PDE10A: variants seen among roughly 807,000 people sequenced by gnomAD.
PDE10A encodes phosphodiesterase 10A, also known as cAMP and cAMP-inhibited cGMP 3',5'-cyclic phosphodiesterase 10A.
Under a neutral mutation model 97.7 loss-of-function variants are expected in PDE10A, and 39 were observed. The observed-to-expected ratio is 0.40, with a 90% confidence interval of 0.31 to 0.52. The LOEUF is 0.52. Ranked by LOEUF, PDE10A falls within the 20% of genes least tolerant of loss-of-function variation. PDE10A has a pLI of 0.56. For missense variants in PDE10A, 731 were observed against 1,047.8 expected, an observed-to-expected ratio of 0.70 and a Z score of 4.17; for synonymous variants, 371 against 376.8, an observed-to-expected ratio of 0.98 and a Z score of 0.18.
chr6:165,411,786 A>G (rs1366000322), intron 13 of PDE10A, among the ~76,000 whole-genome samples: 1 of 152,222 alleles, frequency 6.6e-6, no homozygotes, highest in African/African-American at 2.4e-5. Context: ...TTAACAGAGA[A>G]AGAGAGAGAC....
intron 1 of PDE10A, among the ~76,000 whole-genome samples, chr6:165,960,427 G>A (rs993593082): frequency 6.6e-6 from 1 of 152,178 alleles, no homozygotes; most frequent in Non-Finnish European, 1.5e-5. Flanking sequence ...GAGACAGGAT[G>A]GAGCACAGCA....
At position 165,964,635 on chromosome 6, in the gene PDE10A, T is replaced by C. The variant is rs558755507; in HGVS notation, c.-615+22894A>G. On this transcript the variant is annotated intron_variant, in intron 1 of 19. Coordinates refer to the PDE10A transcript ENST00000366882. ...TGTGCCAGCGAGCGTCCTAGGCACA[T>C]GGGAATCAGACTTTATAAGTCCTGG... 2.9e-4 allele frequency among the ~76,000 whole-genome samples: 44 copies of C among 152,332 alleles called. 1 individual carries two copies. Among genetic ancestry groups the C allele is most frequent in the Admixed American group, 2.1e-3 (32 of 15,300 alleles).
intron 1 of PDE10A, among the ~76,000 whole-genome samples, chr6:165,952,976 T>C (rs1000360376): frequency 2.0e-5 from 3 of 152,360 alleles, no homozygotes; most frequent in African/African-American, 7.2e-5. Context: ...AATTATGTTT[T>C]AAGTCCAGCA....
At chr6:165,750,200 G>T (rs777239545) in intron 1 of PDE10A, among the ~76,000 whole-genome samples, 2 of 152,194 alleles carry the variant, frequency 1.3e-5, no homozygotes, top group African/African-American at 4.8e-5. Flanking sequence ...AAGGAGTGAA[G>T]GGTGGGAGTC....
intron 2 of PDE10A, among the ~76,000 whole-genome samples, chr6:165,504,106 A>G (rs1433547627): frequency 1.3e-5 from 2 of 152,200 alleles, no homozygotes; most frequent in Non-Finnish European, 1.5e-5. Context: ...AAAATCCATA[A>G]AACTGATGAC....
chr6:165,853,963 C>T (rs1308835707), intron 1 of PDE10A, among the ~76,000 whole-genome samples: 1 of 152,116 alleles, frequency 6.6e-6, no homozygotes, highest in African/African-American at 2.4e-5. Context: ...GGAGCCACCA[C>T]GGTGGCGGGG....
intron 1 of PDE10A, among the ~76,000 whole-genome samples, chr6:165,650,511 T>A (rs1789629015): frequency 1.3e-5 from 2 of 152,338 alleles, no homozygotes; most frequent in South Asian, 4.1e-4. Flanking sequence ...AGTGTGTGTG[T>A]ATGTTGTTTA....
At chr6:165,432,169 T>C (rs963112875) in intron 7 of PDE10A, among the ~76,000 whole-genome samples, 10 of 151,934 alleles carry the variant, frequency 6.6e-5, no homozygotes, top group Admixed American at 5.2e-4. Flanking sequence ...GGACAAGAAA[T>C]GAAATAAGTG....
rs537252562 is a variant in PDE10A at position 165,351,267 on chromosome 6, T to G, written c.2784-7765A>C. Among the ~76,000 whole-genome samples, 6 of 152,206 alleles carry G rather than the reference T, an allele frequency of 3.9e-5. No individual in the cohort carries two copies. The East Asian group carries it at 1.2e-3, about 29-fold the overall frequency. On this transcript the variant is annotated intron_variant, in intron 18 of 21. Transcript: ENST00000539869. The stretch of plus-strand genomic sequence containing the variant: ...GTTGTGGTCACAATGTCAATATGAG[T>G]AAATGGCATAATAGCTAATGACATC...
At position 165,374,413 on chromosome 6, in the gene PDE10A, A is replaced by G. The variant is rs544511763; in HGVS notation, c.2783+4781T>C. On this transcript the variant is annotated intron_variant, in intron 18 of 21. Transcript: ENST00000539869. ...TAATGTAAAGAAATATGTGTAATAT[A>G]TAACAGAAAATTTTAATATCCTTAA... Among the ~76,000 whole-genome samples the G allele has an allele frequency of 2.4e-4, 36 of 152,110 alleles. No homozygotes were observed. In the South Asian group the frequency reaches 6.4e-3, roughly 27 times the overall value.
chr6:165,438,582 TTACAG>T (rs1468091129), intron 5 of PDE10A, among the ~76,000 whole-genome samples: 1 of 152,216 alleles, frequency 6.6e-6, no homozygotes. Context: ...TATAAAAGGT[TTACAG>T]TACATTTTAT....
At chr6:165,349,214 AG>A (rs1379777436) in intron 18 of PDE10A, among the ~76,000 whole-genome samples, 1 of 152,210 alleles carries the variant, frequency 6.6e-6, no homozygotes, top group African/African-American at 2.4e-5. Flanking sequence ...CTCAGAAGAC[AG>A]GAAGAAGTGG....
intron 12 of PDE10A, among the ~76,000 whole-genome samples, chr6:165,414,543 T>G: frequency 6.6e-6 from 1 of 152,196 alleles, no homozygotes; most frequent in Middle Eastern, 3.2e-3. Flanking sequence ...AATGGACATA[T>G]CGTATTTTGT....
intron 19 of PDE10A, among the ~76,000 whole-genome samples, chr6:165,341,665 G>T (rs187047645): frequency 3.9e-5 from 6 of 152,132 alleles, no homozygotes; most frequent in African/African-American, 1.4e-4. Flanking sequence ...TCTAGGGAAC[G>T]TATCAAGCAA....
chr6:165,607,505 A>G (rs992664888), intron 1 of PDE10A, among the ~76,000 whole-genome samples: 1 of 152,124 alleles, frequency 6.6e-6, no homozygotes, highest in Non-Finnish European at 1.5e-5. Flanking sequence ...CACAGAGCCT[A>G]GGTGTGTGGC....
chr6:165,597,282 C>T (rs9365895), intron 1 of PDE10A, among the ~76,000 whole-genome samples: 4,761 of 149,532 alleles, frequency 0.032, 266 homozygotes, highest in East Asian at 0.29. Context: ...CACATACAGA[C>T]CATGGATTAA....
intron 1 of PDE10A, among the ~76,000 whole-genome samples, chr6:165,945,769 A>G (rs866830658): frequency 1.2e-4 from 18 of 152,230 alleles, no homozygotes; most frequent in African/African-American, 2.4e-4. Context: ...GACATTTGCT[A>G]TGGAGCAATA....
intron 1 of PDE10A, among the ~76,000 whole-genome samples, chr6:165,553,181 C>A (rs954613431): frequency 1.3e-5 from 2 of 152,054 alleles, no homozygotes; most frequent in African/African-American, 4.8e-5. Context: ...TCTTTCTAAC[C>A]ACTTACTGAT....
At chr6:165,941,528 G>A (rs1328869117) in intron 1 of PDE10A, among the ~76,000 whole-genome samples, 1 of 152,132 alleles carries the variant, frequency 6.6e-6, no homozygotes, top group Non-Finnish European at 1.5e-5. Context: ...CATCCCGGTG[G>A]GGGATGTCGG....
Sources: allele counts gnomAD v4.1 joint callset (sites outside exome capture counted in the v4.1 genomes callset), GRCh38; gene constraint gnomAD v4.1.1; transcripts MANE v1.5; gene names NCBI Gene and HGNC (gene_info 2026-07-23, HGNC 2026-07-21).